TASP1: variants seen among roughly 807,000 people sequenced by gnomAD.
TASP1 encodes taspase 1, also known as threonine aspartase 1.
Under a neutral mutation model 56.6 loss-of-function variants are expected in TASP1, and 16 were observed. The observed-to-expected ratio is 0.28, with a 90% CI of 0.19 to 0.43. TASP1 has a LOEUF of 0.43. Ranked by LOEUF, TASP1 falls within the 20% of genes least tolerant of loss-of-function variation. The pLI, the probability that TASP1 is intolerant of heterozygous loss-of-function variation, is 1.00. For missense variants in TASP1, 393 were observed against 511.6 expected (o/e 0.77, Z 2.24); for synonymous variants, 179 against 184.2 (o/e 0.97, Z 0.23).
chr20:13,336,647 C>A, the TASP1 span, among the ~76,000 whole-genome samples: 2 of 152,092 alleles, frequency 1.3e-5, no homozygotes, highest in Non-Finnish European at 2.9e-5. Context: ...AAGCTTTTTT[C>A]CTGTTCTTTG....
chr20:13,229,429 A>C, the TASP1 span, among the ~76,000 whole-genome samples: 1 of 152,020 alleles, frequency 6.6e-6, no homozygotes, highest in Admixed American at 6.5e-5. Flanking sequence ...TACTTTTTGC[A>C]TTTTTCCATG....
At chr20:13,278,932 C>A in the TASP1 span, among the ~76,000 whole-genome samples, 65 of 152,318 alleles carry the variant, frequency 4.3e-4, no homozygotes, top group Non-Finnish European at 7.9e-4. Flanking sequence ...AGCTTCCTTA[C>A]ATAGCGGTTA....
chr20:13,351,293 AC>A, the TASP1 span, among the ~76,000 whole-genome samples: 1 of 152,194 alleles, frequency 6.6e-6, no homozygotes, highest in African/African-American at 2.4e-5. Flanking sequence ...TTAAACATAT[AC>A]TTACCATATG....
chr20:13,603,370 T>G (rs2048031020), intron 4 of TASP1, among the ~76,000 whole-genome samples: 1 of 151,248 alleles, frequency 6.6e-6, no homozygotes, highest in Non-Finnish European at 1.5e-5. Context: ...AAACTCAGTC[T>G]CTACAAAAAA....
At chr20:13,480,320 T>C (rs999698846) in intron 11 of TASP1, among the ~76,000 whole-genome samples, 11 of 152,332 alleles carry the variant, frequency 7.2e-5, no homozygotes, top group Non-Finnish European at 1.3e-4. Context: ...TCCCAGAACA[T>C]TGTTCTTCTG....
At chr20:13,151,265 C>A in the TASP1 span, among the ~76,000 whole-genome samples, 1 of 152,168 alleles carries the variant, frequency 6.6e-6, no homozygotes, top group Non-Finnish European at 1.5e-5. Flanking sequence ...TTTTTCACAT[C>A]CACACTCTAA....
chr20:13,179,160 G>A, the TASP1 span, among the ~76,000 whole-genome samples: 1 of 152,056 alleles, frequency 6.6e-6, no homozygotes, highest in Non-Finnish European at 1.5e-5. Flanking sequence ...CATTGTTTCC[G>A]AAATCTAAAT....
chr20:13,162,347 T>G, the TASP1 span, among the ~76,000 whole-genome samples: 1 of 152,186 alleles, frequency 6.6e-6, no homozygotes, highest in South Asian at 2.1e-4. Context: ...TTCATGTATG[T>G]GATTCTCTTC....
the TASP1 span, among the ~76,000 whole-genome samples, chr20:13,304,456 C>T: frequency 6.6e-6 from 1 of 152,170 alleles, no homozygotes; most frequent in East Asian, 1.9e-4. Context: ...GGTAAGTCCA[C>T]CTGTCCAAAC....
At chr20:13,153,977 T>A in the TASP1 span, 1 of 1,610,828 alleles carries the variant, frequency 6.2e-7, no homozygotes, top group Non-Finnish European at 8.5e-7. Flanking sequence ...TGGGAATTGA[T>A]GGATTTCACG....
intron 4 of TASP1, among the ~76,000 whole-genome samples, chr20:13,590,865 CA>C (rs960941552): frequency 1.6e-4 from 24 of 145,782 alleles, no homozygotes; most frequent in Non-Finnish European, 3.5e-4. Flanking sequence ...CACACTGTCT[CA>C]AAAAAAAATA....
At chr20:13,573,251 T>G (rs2046780604) in intron 6 of TASP1, among the ~76,000 whole-genome samples, 1 of 152,244 alleles carries the variant, frequency 6.6e-6, no homozygotes. Context: ...ATTCATAGTT[T>G]GAAACCTCAC....
chr20:13,554,987 T>C (rs1568576026), intron 8 of TASP1, among the ~76,000 whole-genome samples: 1 of 152,210 alleles, frequency 6.6e-6, no homozygotes, highest in Non-Finnish European at 1.5e-5. Context: ...GATTTCTCTG[T>C]AGTACATGAT....
intron 1 of TASP1, among the ~76,000 whole-genome samples, chr20:13,636,413 G>A (rs1238180796): frequency 1.3e-5 from 2 of 151,444 alleles, no homozygotes; most frequent in Non-Finnish European, 2.9e-5. Flanking sequence ...GCCTGCCTGG[G>A]CCTCCCAAAG....
intron 12 of TASP1, among the ~76,000 whole-genome samples, chr20:13,428,428 A>G (rs2042691201): frequency 6.6e-6 from 1 of 152,176 alleles, no homozygotes; most frequent in Non-Finnish European, 1.5e-5. Context: ...ACCATACTAT[A>G]TACGGCAGCC....
the TASP1 span, chr20:13,160,068 C>T: frequency 6.2e-7 from 1 of 1,613,586 alleles, no homozygotes; most frequent in Non-Finnish European, 8.5e-7. Flanking sequence ...CCAGCCACTC[C>T]CCTCGCAGAA....
At chr20:13,468,052 A>C (rs2044332829) in intron 11 of TASP1, among the ~76,000 whole-genome samples, 1 of 151,984 alleles carries the variant, frequency 6.6e-6, no homozygotes, top group Non-Finnish European at 1.5e-5. Context: ...CAAAAACAAA[A>C]AACAAAAAAC....
At chr20:13,395,287 G>T (rs1399487067) in intron 13 of TASP1, among the ~76,000 whole-genome samples, 1 of 152,072 alleles carries the variant, frequency 6.6e-6, no homozygotes, top group African/African-American at 2.4e-5. Flanking sequence ...TGTTTGCATG[G>T]GCATTTTCCT....
intron 13 of TASP1, among the ~76,000 whole-genome samples, chr20:13,411,966 T>C (rs2042108087): frequency 6.6e-6 from 1 of 152,248 alleles, no homozygotes; most frequent in Non-Finnish European, 1.5e-5. Context: ...CAGCCTTCTG[T>C]TGCAACTGTG....
Sources: allele counts gnomAD v4.1 joint callset (sites outside exome capture counted in the v4.1 genomes callset), GRCh38; gene constraint gnomAD v4.1.1; transcripts MANE v1.5; gene names NCBI Gene and HGNC (gene_info 2026-07-23, HGNC 2026-07-21).